Variants in GRIK1 observed in about 807,000 individuals in gnomAD.
GRIK1 encodes glutamate receptor ionotropic, kainate 1.
GRIK1 carries 69 observed loss-of-function variants against 105.7 expected under a neutral mutation model. That is an observed-to-expected ratio of 0.65 (90% CI 0.54 to 0.80). The LOEUF (loss-of-function observed/expected upper bound fraction) is 0.80. Ranked by LOEUF, GRIK1 falls within the 30% of genes least tolerant of loss-of-function variation. GRIK1 has a pLI of 0.00. For missense variants in GRIK1, 1,109 were observed against 1,167.3 expected, an observed-to-expected ratio of 0.95 and a Z score of 0.73; for synonymous variants, 438 against 431.3, an observed-to-expected ratio of 1.02 and a Z score of -0.19.
intron 3 of GRIK1, among the ~76,000 whole-genome samples, chr21:29,685,456 T>G (rs1439823829): frequency 6.6e-6 from 1 of 152,186 alleles, no homozygotes; most frequent in African/African-American, 2.4e-5. Context: ...TTTTTGTTTT[T>G]TTTTAATGTT....
At chr21:29,631,000 G>C (rs1377882352) in intron 7 of GRIK1, among the ~76,000 whole-genome samples, 1 of 151,894 alleles carries the variant, frequency 6.6e-6, no homozygotes, top group Non-Finnish European at 1.5e-5. Flanking sequence ...TAGAGAGGGG[G>C]TTTCACCATG....
chr21:29,680,587 C>T (rs968951986), intron 3 of GRIK1, among the ~76,000 whole-genome samples: 1 of 152,176 alleles, frequency 6.6e-6, no homozygotes, highest in Non-Finnish European at 1.5e-5. Context: ...CACGGTCAGT[C>T]GTGGTGTAAA....
At chr21:29,721,097 C>A (rs899008187) in intron 1 of GRIK1, among the ~76,000 whole-genome samples, 1 of 151,380 alleles carries the variant, frequency 6.6e-6, no homozygotes, top group South Asian at 2.1e-4. Context: ...ATCCCCCTCC[C>A]CTCTCCCCTA....
At chr21:29,886,424 T>G (rs1032401406) in intron 1 of GRIK1, among the ~76,000 whole-genome samples, 6 of 152,144 alleles carry the variant, frequency 3.9e-5, no homozygotes, top group African/African-American at 1.4e-4. Flanking sequence ...GTGTTCATTG[T>G]GTTGGCTACC....
intron 1 of GRIK1, among the ~76,000 whole-genome samples, chr21:29,780,549 G>C (rs938356540): frequency 6.6e-6 from 1 of 152,124 alleles, no homozygotes; most frequent in Admixed American, 6.5e-5. Flanking sequence ...TGAAGTAGCG[G>C]AGAATTTGCT....
intron 1 of GRIK1, among the ~76,000 whole-genome samples, chr21:29,789,452 C>G (rs1326913638): frequency 1.3e-5 from 2 of 152,188 alleles, no homozygotes; most frequent in African/African-American, 4.8e-5. Context: ...AAATCATCTA[C>G]AAAGAAAGAT....
chr21:29,690,078 G>A, intron 2 of GRIK1, 93 bp from the exon 3 acceptor site: 1 of 989,698 alleles, frequency 1.0e-6, no homozygotes. Context: ...TTTCTTTCAT[G>A]ATTCCTCTTT....
At chr21:29,583,031 C>T (rs963610565) in intron 12 of GRIK1, among the ~76,000 whole-genome samples, 3 of 152,122 alleles carry the variant, frequency 2.0e-5, no homozygotes, top group African/African-American at 7.2e-5. Flanking sequence ...AACCTCCAGA[C>T]ACCTTCCGGA....
intron 2 of GRIK1, among the ~76,000 whole-genome samples, chr21:29,692,286 A>C (rs2063598503): frequency 6.6e-6 from 1 of 152,182 alleles, no homozygotes; most frequent in Admixed American, 6.5e-5. Context: ...GGCTTTCTAC[A>C]GTATTTGCTC....
intron 1 of GRIK1, among the ~76,000 whole-genome samples, chr21:29,888,235 T>C (rs906988600): frequency 3.1e-5 from 3 of 95,322 alleles, no homozygotes; most frequent in African/African-American, 1.1e-4. Context: ...CTCTCTCTCC[T>C]TCCTTCCTTC....
At chr21:29,909,067 C>T (rs940105788) in intron 1 of GRIK1, among the ~76,000 whole-genome samples, 1 of 152,092 alleles carries the variant, frequency 6.6e-6, no homozygotes, top group East Asian at 1.9e-4. Flanking sequence ...AAAATCTTCC[C>T]GTGTTTGTTA....
chr21:29,561,916 A>G, intron 14 of GRIK1, 67 bp from the exon 15 acceptor site: 1 of 854,500 alleles, frequency 1.2e-6, no homozygotes, highest in Non-Finnish European at 2.0e-6. Flanking sequence ...AAGGTATTCA[A>G]AGTCCCAATG....
chr21:29,923,750 C>A (rs527990830), intron 1 of GRIK1, among the ~76,000 whole-genome samples: 1 of 152,262 alleles, frequency 6.6e-6, no homozygotes, highest in African/African-American at 2.4e-5. Flanking sequence ...GACTGACAAA[C>A]AACGTTTAGT....
intron 1 of GRIK1, among the ~76,000 whole-genome samples, chr21:29,910,918 C>T (rs457122): frequency 0.23 from 35,477 of 151,778 alleles, 4,950 homozygotes; most frequent in African/African-American, 0.39. Context: ...TTTGGAACAG[C>T]TTATCATAAG....
intron 1 of GRIK1, among the ~76,000 whole-genome samples, chr21:29,762,552 A>G (rs1944490445): frequency 6.6e-6 from 1 of 152,210 alleles, no homozygotes; most frequent in African/African-American, 2.4e-5. Context: ...TATAATAGGA[A>G]AAGAGGTAAA....
At chr21:29,629,906 A>C (rs1022116191) in intron 7 of GRIK1, among the ~76,000 whole-genome samples, 27 of 152,214 alleles carry the variant, frequency 1.8e-4, no homozygotes, top group Admixed American at 1.4e-3. Flanking sequence ...CACAAGTAAA[A>C]GGATTGAGAG....
At chr21:29,812,252 C>A (rs1042865669) in intron 1 of GRIK1, among the ~76,000 whole-genome samples, 1 of 152,114 alleles carries the variant, frequency 6.6e-6, no homozygotes, top group Non-Finnish European at 1.5e-5. Context: ...GTTCTTCATG[C>A]ATTTGGGAAA....
intron 1 of GRIK1, among the ~76,000 whole-genome samples, chr21:29,925,390 A>G (rs760283565): frequency 2.6e-4 from 40 of 151,894 alleles, no homozygotes; most frequent in Non-Finnish European, 8.8e-5. Context: ...CTTCACCTTC[A>G]CCTCCATCCT....
chr21:29,776,021 G>T (rs531383863), intron 1 of GRIK1, among the ~76,000 whole-genome samples: 1 of 152,186 alleles, frequency 6.6e-6, no homozygotes, highest in Non-Finnish European at 1.5e-5. Context: ...GGGAAGCAAC[G>T]CACCTTCTTT....
Sources: gnomAD v4.1 joint callset for allele counts (sites outside exome capture counted in the v4.1 genomes callset) on GRCh38, gnomAD v4.1.1 for gene constraint, MANE v1.5 for transcripts, NCBI Gene and HGNC (gene_info 2026-07-23, HGNC 2026-07-21) for gene names.